FNDC3B: variants seen among roughly 807,000 people sequenced by gnomAD.
The protein encoded by FNDC3B is fibronectin type III domain-containing protein 3B.
In FNDC3B, 12 loss-of-function variants were observed where a neutral mutation model predicts 151.5. The ratio of observed to expected loss-of-function variants is 0.08; its 90% CI spans 0.05 to 0.13. FNDC3B has a LOEUF of 0.13. Ranked by LOEUF, FNDC3B falls within the 10% of genes least tolerant of loss-of-function variation. FNDC3B has a pLI of 1.00. For synonymous variants in FNDC3B, 528 were observed against 549.0 expected, an observed-to-expected ratio of 0.96 and a Z score of 0.54; for missense variants, 1,214 against 1,505.3, an observed-to-expected ratio of 0.81 and a Z score of 3.20.
chr3:172,142,174 T>G (rs1358250029), intron 3 of FNDC3B, among the ~76,000 whole-genome samples: 1 of 152,158 alleles, frequency 6.6e-6, no homozygotes, highest in Non-Finnish European at 1.5e-5. Context: ...TAAATAGGAG[T>G]GATTACTAAG....
chr3:172,191,099 C>T (rs1401408369), intron 3 of FNDC3B, among the ~76,000 whole-genome samples: 3 of 152,132 alleles, frequency 2.0e-5, no homozygotes, highest in Non-Finnish European at 4.4e-5. Context: ...ATAACCAACC[C>T]TCCTTATGTT....
chr3:172,060,072 A>G (rs148934600), intron 1 of FNDC3B, among the ~76,000 whole-genome samples: 35 of 152,358 alleles, frequency 2.3e-4, no homozygotes, highest in Non-Finnish European at 3.8e-4. Flanking sequence ...TTCGGACTCA[A>G]TTGACTGGTG....
Position 172,149,806 on chromosome 3 carries a change from G to GTTTTTTTTTTTTTT in FNDC3B, c.187+16277_187+16290dup, listed in dbSNP as rs10561622. ...TGTGTATACCTTTTGTATGTTGGGT[G>GTTTTTTTTTTTTTT]TTTTTTTTTTTTTTTTTTTTTTTTT... On this transcript the variant is annotated intron_variant, in intron 3 of 25. Coordinates refer to ENST00000415807, the MANE Select transcript of FNDC3B (RefSeq NM_022763.4). 1.7e-4 allele frequency among the ~76,000 whole-genome samples: 9 copies of GTTTTTTTTTTTTTT among 52,508 alleles called. 1 individual carries two copies. The highest frequency in any genetic ancestry group is 6.3e-4 in the African/African-American group (8 of 12,776). 34.4% of individuals were successfully genotyped at this position (52,508 alleles called of 152,430 possible). A position where few individuals can be genotyped will look rare whatever the true frequency, so the allele number is the denominator to read the frequency against.
intron 4 of FNDC3B, among the ~76,000 whole-genome samples, chr3:172,239,745 A>G (rs1310326017): frequency 6.6e-6 from 1 of 150,562 alleles, no homozygotes; most frequent in East Asian, 1.9e-4. Context: ...TCAATTCAGT[A>G]AGAGGAACTA....
intron 6 of FNDC3B, among the ~76,000 whole-genome samples, chr3:172,259,584 T>C (rs2108787449): frequency 6.6e-6 from 1 of 152,354 alleles, no homozygotes; most frequent in East Asian, 1.9e-4. Context: ...ACTACTTTTC[T>C]GTAAGACCCC....
chr3:172,276,782 T>C (rs1042126427), intron 6 of FNDC3B, among the ~76,000 whole-genome samples: 2 of 152,214 alleles, frequency 1.3e-5, no homozygotes, highest in South Asian at 2.1e-4. Context: ...GATAGTGATA[T>C]ATTCTATAAG....
At chr3:172,181,887 C>T (rs1338662216) in intron 3 of FNDC3B, among the ~76,000 whole-genome samples, 1 of 148,906 alleles carries the variant, frequency 6.7e-6, no homozygotes, top group Non-Finnish European at 1.5e-5. Context: ...TGCTCACTCA[C>T]TGAGTGGATT....
chr3:172,396,513 T>C (rs1426530127), intron 25 of FNDC3B, among the ~76,000 whole-genome samples: 1 of 152,146 alleles, frequency 6.6e-6, no homozygotes, highest in African/African-American at 2.4e-5. Context: ...ATCTTCTGAT[T>C]TATAGTCTAA....
intron 13 of FNDC3B, among the ~76,000 whole-genome samples, chr3:172,331,893 C>A (rs1002499147): frequency 6.6e-6 from 1 of 152,204 alleles, no homozygotes; most frequent in South Asian, 2.1e-4. Flanking sequence ...TTTGTGCCAT[C>A]CAGTATGGTG....
rs1441881660 is a variant in FNDC3B, at chr3:172,313,385, A to G, written c.1254+2504A>G. On this transcript the variant is annotated intron_variant, in intron 11 of 25. Coordinates refer to ENST00000415807, the MANE Select transcript of FNDC3B (RefSeq NM_022763.4). ...ACCTCTCTGGTCCTTAGTTTTTTCC[A>G]TCTGTGAAATGGTGAATAGATTAGT... 3.3e-5 allele frequency among the ~76,000 whole-genome samples: 5 copies of G among 152,310 alleles called. No homozygotes were observed. In the East Asian group the frequency reaches 5.8e-4, roughly 18 times the overall value.
chr3:172,072,926 A>G (rs545079644), intron 1 of FNDC3B, among the ~76,000 whole-genome samples: 32 of 152,252 alleles, frequency 2.1e-4, no homozygotes, highest in African/African-American at 7.5e-4. Flanking sequence ...TGTGGCACTT[A>G]AGTCTAATTA....
chr3:172,125,380 T>C (rs1351064521), intron 2 of FNDC3B, among the ~76,000 whole-genome samples: 1 of 151,982 alleles, frequency 6.6e-6, no homozygotes, highest in East Asian at 1.9e-4. Flanking sequence ...GGTTCTTTTC[T>C]TGAGATTGGC....
At chr3:172,220,972 G>A (rs6445048) in intron 3 of FNDC3B, among the ~76,000 whole-genome samples, 116,531 of 152,082 alleles carry the variant, frequency 0.77, 44,890 homozygotes, top group African/African-American at 0.82. Context: ...CTATTTAGCA[G>A]TGTTTTGTAG....
chr3:172,114,104 G>A (rs919857641), intron 2 of FNDC3B, among the ~76,000 whole-genome samples: 3 of 152,128 alleles, frequency 2.0e-5, no homozygotes, highest in Non-Finnish European at 4.4e-5. Context: ...TGATGTCATT[G>A]GCCTACCTCA....
At chr3:172,227,117 C>T (rs1726629420) in intron 4 of FNDC3B, 170 bp downstream of exon 4, 18 of 546,794 alleles carry the variant, frequency 3.3e-5, no homozygotes, top group South Asian at 3.0e-4. Context: ...TGCCACTTGA[C>T]GTACCAGAGA....
intron 1 of FNDC3B, among the ~76,000 whole-genome samples, chr3:172,077,585 A>G (rs949184706): frequency 1.3e-5 from 2 of 152,204 alleles, no homozygotes; most frequent in Non-Finnish European, 2.9e-5. Context: ...GAACATTACT[A>G]TACCTAATTG....
intron 25 of FNDC3B, among the ~76,000 whole-genome samples, chr3:172,385,864 C>G (rs148153756): frequency 6.6e-6 from 1 of 151,970 alleles, no homozygotes; most frequent in Non-Finnish European, 1.5e-5. Context: ...GGCCCTTCCC[C>G]CAAGCTCATT....
At chr3:172,315,715 A>C (rs1560073977) in intron 11 of FNDC3B, among the ~76,000 whole-genome samples, 1 of 152,184 alleles carries the variant, frequency 6.6e-6, no homozygotes, top group East Asian at 1.9e-4. Context: ...TTTACACTTT[A>C]ATCTACAAGC....
chr3:172,358,960 GT>G (rs1461581206), intron 22 of FNDC3B, among the ~76,000 whole-genome samples: 6 of 16,288 alleles, frequency 3.7e-4, no homozygotes, highest in South Asian at 3.1e-3. Context: ...TTTCTTGGTG[GT>G]GGTGGTGGTG....
Sources: allele counts gnomAD v4.1 joint callset (sites outside exome capture counted in the v4.1 genomes callset), GRCh38; gene constraint gnomAD v4.1.1; transcripts MANE v1.5; gene names NCBI Gene and HGNC (gene_info 2026-07-23, HGNC 2026-07-21).